Variants in CDKAL1 observed in about 807,000 individuals in gnomAD.
The protein encoded by CDKAL1 is threonylcarbamoyladenosine tRNA methylthiotransferase.
Under a neutral mutation model 68.2 loss-of-function variants are expected in CDKAL1, and 32 were observed. The observed-to-expected ratio is 0.47, with a 90% confidence interval of 0.35 to 0.63. The LOEUF is 0.63. CDKAL1 is among the 30% of genes least tolerant of loss of function. The pLI is 0.00. For synonymous variants in CDKAL1, 234 were observed against 244.3 expected (o/e 0.96, Z 0.39); for missense variants, 606 against 696.7 (o/e 0.87, Z 1.47).
intron 15 of CDKAL1, among the ~76,000 whole-genome samples, chr6:21,219,186 G>T (rs1779445925): frequency 6.6e-6 from 1 of 152,092 alleles, no homozygotes; most frequent in African/African-American, 2.4e-5. Flanking sequence ...GTGGGGGATT[G>T]GTTCCAGGAC....
At chr6:20,982,085 G>C (rs889644283) in intron 10 of CDKAL1, among the ~76,000 whole-genome samples, 1 of 112,156 alleles carries the variant, frequency 8.9e-6, no homozygotes, top group Non-Finnish European at 1.9e-5. Context: ...ATTTATTTAT[G>C]AGACAGAGTG....
At chr6:21,051,782 T>C (rs576418215) in intron 11 of CDKAL1, among the ~76,000 whole-genome samples, 2 of 152,308 alleles carry the variant, frequency 1.3e-5, no homozygotes, top group Admixed American at 1.3e-4. Flanking sequence ...AAGCACTATA[T>C]GGGAAGCACC....
At chr6:21,066,713 C>A (rs976993803) in intron 12 of CDKAL1, among the ~76,000 whole-genome samples, 1 of 152,210 alleles carries the variant, frequency 6.6e-6, no homozygotes, top group African/African-American at 2.4e-5. Context: ...CCCCAACCTC[C>A]TGGGCTCAAG....
At chr6:21,044,957 CG>C (rs1187875891) in intron 11 of CDKAL1, among the ~76,000 whole-genome samples, 1 of 152,166 alleles carries the variant, frequency 6.6e-6, no homozygotes, top group East Asian at 1.9e-4. Context: ...TGGCACTGCC[CG>C]GCTTCTTCAA....
At chr6:20,805,692 G>GA (rs1199977315) in intron 8 of CDKAL1, among the ~76,000 whole-genome samples, 12 of 152,070 alleles carry the variant, frequency 7.9e-5, no homozygotes, top group African/African-American at 2.7e-4. Flanking sequence ...ACTTAAAATG[G>GA]AAAATCTATT....
At chr6:21,003,371 T>TACACACACACACACACACACACACACAC (rs55839331) in intron 11 of CDKAL1, among the ~76,000 whole-genome samples, 8 of 49,300 alleles carry the variant, frequency 1.6e-4, no homozygotes, top group African/African-American at 7.6e-4. Context: ...TATATATATA[T>TACACACACACACACACACACACACACAC]ACACACACAC....
At chr6:21,062,943 C>A (rs1363251991) in intron 11 of CDKAL1, among the ~76,000 whole-genome samples, 1 of 151,822 alleles carries the variant, frequency 6.6e-6, no homozygotes, top group African/African-American at 2.4e-5. Context: ...GAGACGAAGT[C>A]TTGTTCTGTC....
intron 9 of CDKAL1, among the ~76,000 whole-genome samples, chr6:20,901,699 A>AAAAAAAAAAG (rs1554137984): frequency 5.5e-4 from 42 of 75,938 alleles, no homozygotes; most frequent in Admixed American, 7.5e-4. Flanking sequence ...AAAAAAAAAA[A>AAAAAAAAAAG]AAAAGAAAAG....
intron 8 of CDKAL1, among the ~76,000 whole-genome samples, chr6:20,842,324 G>T (rs960343532): frequency 6.6e-6 from 1 of 151,806 alleles, no homozygotes; most frequent in Non-Finnish European, 1.5e-5. Context: ...TGCTTGAGTT[G>T]GTACTGTTAT....
At chr6:20,696,030 A>G (rs894371966) in intron 5 of CDKAL1, among the ~76,000 whole-genome samples, 11 of 152,078 alleles carry the variant, frequency 7.2e-5, no homozygotes, top group Non-Finnish European at 1.5e-4. Flanking sequence ...TCGCCTTTCT[A>G]TTTCACTGAT....
At chr6:20,919,389 CTTTTG>C (rs1762851224) in intron 9 of CDKAL1, among the ~76,000 whole-genome samples, 1 of 152,144 alleles carries the variant, frequency 6.6e-6, no homozygotes, top group Non-Finnish European at 1.5e-5. Flanking sequence ...CATTTTGTTT[CTTTTG>C]TTTAATACTT....
chr6:20,977,808 G>A (rs1418656197), intron 10 of CDKAL1, among the ~76,000 whole-genome samples: 2 of 152,172 alleles, frequency 1.3e-5, no homozygotes, highest in South Asian at 2.1e-4. Flanking sequence ...AGCCCAGGAG[G>A]CGGAGGCTGC....
At chr6:20,620,834 C>G (rs1465059165) in intron 4 of CDKAL1, among the ~76,000 whole-genome samples, 1 of 152,066 alleles carries the variant, frequency 6.6e-6, no homozygotes, top group Non-Finnish European at 1.5e-5. Flanking sequence ...CTTTCCCTGC[C>G]ATAGCTTCTC....
At chr6:20,816,808 C>T (rs1777066236) in intron 8 of CDKAL1, among the ~76,000 whole-genome samples, 1 of 152,084 alleles carries the variant, frequency 6.6e-6, no homozygotes, top group African/African-American at 2.4e-5. Flanking sequence ...TCATTTTTCT[C>T]ATTTGTTGAA....
intron 11 of CDKAL1, among the ~76,000 whole-genome samples, chr6:21,026,851 G>A (rs1768987151): frequency 6.6e-6 from 1 of 152,064 alleles, no homozygotes; most frequent in Non-Finnish European, 1.5e-5. Context: ...GAATTATTTT[G>A]TCTATTTACC....
intron 11 of CDKAL1, among the ~76,000 whole-genome samples, chr6:21,030,705 A>G (rs1184009101): frequency 1.3e-5 from 2 of 152,154 alleles, no homozygotes; most frequent in Non-Finnish European, 2.9e-5. Flanking sequence ...CTTCTATGTC[A>G]TGATGAATTT....
intron 7 of CDKAL1, among the ~76,000 whole-genome samples, chr6:20,771,814 C>T (rs948999624): frequency 5.3e-5 from 8 of 152,120 alleles, no homozygotes; most frequent in African/African-American, 1.9e-4. Context: ...CAGGTGGGCA[C>T]CCCCTTTGCC....
At chr6:21,015,228 C>T (rs1768258360) in intron 11 of CDKAL1, among the ~76,000 whole-genome samples, 1 of 152,212 alleles carries the variant, frequency 6.6e-6, no homozygotes, top group South Asian at 2.1e-4. Flanking sequence ...AGTGTTTCCT[C>T]TAATTTGTAT....
chr6:20,718,653 G>T (rs1772203005), intron 5 of CDKAL1, among the ~76,000 whole-genome samples: 1 of 152,166 alleles, frequency 6.6e-6, no homozygotes, highest in Admixed American at 6.5e-5. Context: ...ATATATGAAA[G>T]CTGGTAGAAA....
Sources: allele counts gnomAD v4.1 joint callset (sites outside exome capture counted in the v4.1 genomes callset), GRCh38; gene constraint gnomAD v4.1.1; transcripts MANE v1.5; gene names NCBI Gene and HGNC (gene_info 2026-07-23, HGNC 2026-07-21).